PLD3: variants seen among roughly 807,000 people sequenced by gnomAD.
PLD3 encodes 5'-3' exonuclease PLD3.
A neutral mutation model predicts 58.4 loss-of-function variants in PLD3; 31 were observed. That is an observed-to-expected ratio of 0.53 (90% CI 0.40 to 0.72). The LOEUF is 0.72. Among genes scored for constraint, PLD3 ranks in the 30% least tolerant of loss-of-function variants. The pLI, the probability that PLD3 is intolerant of heterozygous loss-of-function variation, is 0.00. For synonymous variants in PLD3, 264 were observed against 273.4 expected (o/e 0.97, Z 0.34); for missense variants, 595 against 659.8 (o/e 0.90, Z 1.08).
At chr19:40,361,998 G>C in intron 1 of PLD3, among the ~76,000 whole-genome samples, 1 of 151,782 alleles carries the variant, frequency 6.6e-6, no homozygotes, top group Non-Finnish European at 1.5e-5. Context: ...CAACACGCCC[G>C]GCTAATTTTT....
In PLD3 at chr19:40,370,213, C is replaced by G; in HGVS notation, c.654C>G (p.Asn218Lys). 1.2e-6 allele frequency: 2 copies of G among 1,613,888 alleles called. No individual in the cohort carries two copies. Among genetic ancestry groups the G allele is most frequent in the South Asian group, 2.2e-5 (2 of 91,072 alleles). Reference sequence around the variant, plus strand: ...CCCACTTCTACCTGGGCAGTGCCAACATGGACTGGCGTTCACTGACCCAGG... The same window carrying G: ...CCCACTTCTACCTGGGCAGTGCCAAGATGGACTGGCGTTCACTGACCCAGG... ...DQTHFYLGSA[N>K]MDWRSLTQVK... Residue 218 changes from asparagine to lysine, a missense_variant, in exon 8 of 13, where the codon AAC becomes AAG. By Grantham distance (94) the Asn-to-Lys change is moderately conservative. Coordinates refer to ENST00000409735, the MANE Select transcript of PLD3 (RefSeq NM_012268.4).
chr19:40,359,763 G>C (rs921671765), intron 1 of PLD3: 1 of 152,340 alleles, frequency 6.6e-6, no homozygotes, highest in East Asian at 1.9e-4. Context: ...ATGCCTTTGC[G>C]TGGGGAGCTG....
chr19:40,349,756 C>T (rs1196631420), intron 1 of PLD3, among the ~76,000 whole-genome samples: 4 of 151,242 alleles, frequency 2.6e-5, no homozygotes, highest in East Asian at 1.9e-4. Context: ...GTCGGGAGTT[C>T]GAGACCAGCC....
At chr19:40,377,139 GGGTTAGGGCCAGGGTTGGGGGCACAGGC>G (rs2079233243) in intron 11 of PLD3, among the ~76,000 whole-genome samples, 1 of 138,922 alleles carries the variant, frequency 7.2e-6, no homozygotes, top group Non-Finnish European at 1.6e-5. Context: ...ACAGAGAGAG[GGGTTAGGGCCAGGGTTGGGGGCACAGGC>G]AGAGGGGTCG....
At position 40,348,739 on chromosome 19, in the gene PLD3, G is replaced by C. The variant is rs1313849587; in HGVS notation, c.-308G>C. ...CAGCCTGGAAGGTGCGTGTGGGGCTGGGTCTCGGAGTGGGAGACGTGGAGT... is the reference window on the plus strand; with the variant it reads ...CAGCCTGGAAGGTGCGTGTGGGGCTCGGTCTCGGAGTGGGAGACGTGGAGT... On this transcript the variant is annotated 5_prime_UTR_variant, in exon 1 of 13. Coordinates refer to ENST00000409735, the MANE Select transcript of PLD3 (RefSeq NM_012268.4). 1.0e-5 allele frequency: 5 copies of C among 489,188 alleles called. No individual in the cohort carries two copies. The highest frequency in any genetic ancestry group is 1.7e-5 in the Non-Finnish European group (5 of 288,662). 30.3% of individuals were successfully genotyped at this position (489,188 alleles called of 1,614,324 possible).
chr19:40,377,175 TC>T (rs2079236251), intron 11 of PLD3, among the ~76,000 whole-genome samples: 1 of 51,704 alleles, frequency 1.9e-5, no homozygotes, highest in Admixed American at 2.7e-4. Flanking sequence ...GGCAGAGGGG[TC>T]GGGGCCAGGA....
At chr19:40,373,233 A>G (rs1032210204) in intron 9 of PLD3, among the ~76,000 whole-genome samples, 10 of 152,066 alleles carry the variant, frequency 6.6e-5, no homozygotes, top group Middle Eastern at 3.2e-3. Context: ...GGCTCTCCTC[A>G]TTACCACTTC....
chr19:40,378,272 C>A lies in PLD3; in HGVS notation c.*99C>A. On this transcript the variant is annotated 3_prime_UTR_variant, in exon 13 of 13. Coordinates refer to ENST00000409735, the MANE Select transcript of PLD3 (RefSeq NM_012268.4). ...CCCCGCGCCCCCGCTTCTGTCTGCCCCATTGTGGCTCCTCAGGCTCTCTCC... is the reference window on the plus strand; with the variant it reads ...CCCCGCGCCCCCGCTTCTGTCTGCCACATTGTGGCTCCTCAGGCTCTCTCC... 1 of 1,127,560 alleles carries A rather than the reference C, an allele frequency of 8.9e-7. No homozygotes were observed. Among genetic ancestry groups the A allele is most frequent in the South Asian group, 1.2e-5 (1 of 81,126 alleles). The allele number at this position is 1,127,560 out of a possible 1,614,324, so 69.8% of individuals were successfully genotyped here.
At position 40,371,654 on chromosome 19, in the gene PLD3, C is replaced by T; in HGVS notation, c.679-19C>T. 6.3e-7 allele frequency: 1 copy of T among 1,592,914 alleles called. No homozygotes were observed. Among genetic ancestry groups the T allele is most frequent in the Non-Finnish European group, 8.6e-7 (1 of 1,162,428 alleles). The stretch of plus-strand genomic sequence containing the variant: ...AGCACTAGGCCGCTATCGCTGAGCT[C>T]AGCACTGCCCTCCTACAGGTCAAGG... On this transcript the variant is annotated intron_variant, in intron 8 of 12. Transcript: ENST00000409735.
At chr19:40,350,271 A>AC (rs1216920959) in intron 1 of PLD3, among the ~76,000 whole-genome samples, 5 of 151,714 alleles carry the variant, frequency 3.3e-5, no homozygotes, top group Non-Finnish European at 7.4e-5. Flanking sequence ...AAAAAAAAAA[A>AC]AAAAAAAAAA....
chr19:40,374,802 A>G, intron 10 of PLD3, 182 bp downstream of exon 10: 1 of 622,760 alleles, frequency 1.6e-6, no homozygotes, highest in Non-Finnish European at 2.8e-6. Flanking sequence ...AGACAGGAGA[A>G]AGAGAGATTA....
chr19:40,367,013 G>C, intron 5 of PLD3, 98 bp downstream of exon 5: 1 of 1,383,050 alleles, frequency 7.2e-7, no homozygotes, highest in African/African-American at 1.5e-5. Context: ...CCTACCCAGC[G>C]CTTGCGACAA....
chr19:40,364,796 T>TC (rs2078876029), intron 1 of PLD3, among the ~76,000 whole-genome samples: 1 of 121,940 alleles, frequency 8.2e-6, no homozygotes, highest in African/African-American at 3.5e-5. Flanking sequence ...AGACTGCGTC[T>TC]CCAAAAAAAA....
At chr19:40,375,137 C>T (rs2079162370) in intron 10 of PLD3, among the ~76,000 whole-genome samples, 1 of 151,476 alleles carries the variant, frequency 6.6e-6, no homozygotes, top group Non-Finnish European at 1.5e-5. Flanking sequence ...GCCTGTGCGA[C>T]AGACAGAGCA....
Position 40,374,500 on chromosome 19 carries a change from G to A in PLD3, c.899G>A (p.Cys300Tyr), listed in dbSNP as rs146083475. The A allele has an allele frequency of 5.5e-4, 884 of 1,614,162 alleles. 2 individuals carry two copies. Among genetic ancestry groups the A allele is most frequent in the Middle Eastern group, 3.6e-3 (22 of 6,062 alleles). Reference protein sequence around the residue: ...AYLASAPPPLCPSGRTPDLKA... With the variant: ...AYLASAPPPLYPSGRTPDLKA... ...CCTCAGAGTGCGCCCCCACCCCTGTGTCCAAGTGGCCGCACTCCAGACCTG... is the reference window on the plus strand; with the variant it reads ...CCTCAGAGTGCGCCCCCACCCCTGTATCCAAGTGGCCGCACTCCAGACCTG... The change falls in exon 10 of 13, where the codon TGT becomes TAT. Residue 300 changes from cysteine to tyrosine, a missense_variant. Cys to Tyr is a radical substitution (Grantham distance 194). Coordinates refer to ENST00000409735, the MANE Select transcript of PLD3 (RefSeq NM_012268.4).
chr19:40,356,917 G>C (rs549907686), intron 1 of PLD3: 2 of 152,254 alleles, frequency 1.3e-5, no homozygotes, highest in African/African-American at 2.4e-5. Context: ...ACAGCTTAGG[G>C]TTTTTAAGTT....
chr19:40,374,374 T>G, intron 9 of PLD3, 107 bp from the exon 10 acceptor site: 2 of 1,186,464 alleles, frequency 1.7e-6, no homozygotes, highest in Non-Finnish European at 2.4e-6. Context: ...GGCTGAGGAT[T>G]TGGTGAGATC....
chr19:40,370,415 A>G, intron 8 of PLD3, 178 bp downstream of exon 8: 1 of 631,872 alleles, frequency 1.6e-6, no homozygotes, highest in Non-Finnish European at 2.6e-6. Flanking sequence ...GCTCACACCT[A>G]TAATCTCAAC....
chr19:40,361,534 CT>C (rs1216110152), intron 1 of PLD3, among the ~76,000 whole-genome samples: 1 of 152,162 alleles, frequency 6.6e-6, no homozygotes, highest in African/African-American at 2.4e-5. Flanking sequence ...GCCCTATCAC[CT>C]CTGTGACATC....
Sources: allele counts gnomAD v4.1 joint callset (sites outside exome capture counted in the v4.1 genomes callset), GRCh38; gene constraint gnomAD v4.1.1; transcripts MANE v1.5; gene names NCBI Gene and HGNC (gene_info 2026-07-23, HGNC 2026-07-21).